EIF4G3: variants seen among roughly 807,000 people sequenced by gnomAD.
The protein encoded by EIF4G3 is eukaryotic translation initiation factor 4 gamma 3, also known as eIF-4-gamma 3.
EIF4G3 carries 34 observed loss-of-function variants against 186.4 expected under a neutral mutation model. That is an observed-to-expected ratio of 0.18 (90% CI 0.14 to 0.24). The LOEUF is 0.24. EIF4G3 is among the 10% of genes least tolerant of loss of function. The pLI, the probability that EIF4G3 is intolerant of heterozygous loss-of-function variation, is 1.00. For missense variants in EIF4G3, 1,536 were observed against 1,948.5 expected (o/e 0.79, Z 3.99); for synonymous variants, 673 against 679.5 (o/e 0.99, Z 0.15).
chr1:20,969,706 G>T, intron 11 of EIF4G3, 110 bp from the exon 12 acceptor site: 1 of 987,110 alleles, frequency 1.0e-6, no homozygotes, highest in Non-Finnish European at 1.5e-6. Context: ...AAATATCAAA[G>T]GTGATAATCA....
chr1:20,908,150 A>G (rs2092580721), intron 14 of EIF4G3, among the ~76,000 whole-genome samples: 1 of 152,008 alleles, frequency 6.6e-6, no homozygotes, highest in African/African-American at 2.4e-5. Flanking sequence ...GCCAGTGATG[A>G]TGAGCATTTT....
intron 4 of EIF4G3, among the ~76,000 whole-genome samples, chr1:21,050,344 A>G (rs568221676): frequency 3.7e-4 from 57 of 152,350 alleles, no homozygotes; most frequent in African/African-American, 1.2e-3. Flanking sequence ...TATTAAGTAG[A>G]AATACACTAA....
chr1:20,898,015 G>A (rs945264567), intron 16 of EIF4G3, among the ~76,000 whole-genome samples: 4 of 152,034 alleles, frequency 2.6e-5, no homozygotes, highest in Admixed American at 2.6e-4. Flanking sequence ...CATTGGTGAT[G>A]GCTACAAGTA....
At chr1:21,168,232 C>T (rs532720810) in intron 2 of EIF4G3, among the ~76,000 whole-genome samples, 5 of 151,886 alleles carry the variant, frequency 3.3e-5, no homozygotes, top group South Asian at 2.1e-4. Context: ...GGTGAAACCC[C>T]GTCTCTACTA....
In EIF4G3 at chr1:21,089,009, A is replaced by G. The variant is rs1379179820; in HGVS notation, c.-196+129T>C. The stretch of plus-strand genomic sequence containing the variant: ...TGATATGGAAAGGGCCTATCATTCT[A>G]TTCAGAATTTTATTGAACTTTTTGC... On this transcript the variant is annotated intron_variant, in intron 3 of 36. Transcript: ENST00000602326. 8.0e-6 allele frequency: 5 copies of G among 624,760 alleles called. No homozygotes were observed. In the East Asian group the frequency reaches 1.1e-4, roughly 14 times the overall value. The allele number at this position is 624,760 out of a possible 1,614,324, so 38.7% of individuals were successfully genotyped here. A position where few individuals can be genotyped will look rare whatever the true frequency, so the allele number is the denominator to read the frequency against.
At chr1:21,122,633 G>A (rs1433311568) in intron 2 of EIF4G3, among the ~76,000 whole-genome samples, 2 of 152,092 alleles carry the variant, frequency 1.3e-5, no homozygotes, top group African/African-American at 2.4e-5. Flanking sequence ...CAGGTCAAAC[G>A]AGATGTTTTT....
At chr1:20,947,774 A>G (rs1208977823) in intron 13 of EIF4G3, among the ~76,000 whole-genome samples, 1 of 152,198 alleles carries the variant, frequency 6.6e-6, no homozygotes, top group Non-Finnish European at 1.5e-5. Flanking sequence ...GGTAACCTGA[A>G]TACTTTCCAA....
intron 19 of EIF4G3, among the ~76,000 whole-genome samples, chr1:20,882,550 G>T (rs920941991): frequency 6.6e-6 from 1 of 151,900 alleles, no homozygotes; most frequent in South Asian, 2.1e-4. Context: ...GAACCCAGGA[G>T]GCGGAGGTTG....
chr1:20,919,956 G>A (rs1448962900), intron 14 of EIF4G3, among the ~76,000 whole-genome samples: 1 of 146,416 alleles, frequency 6.8e-6, no homozygotes, highest in African/African-American at 2.4e-5. Flanking sequence ...GCCCAGGCTG[G>A]AGTGCAATGG....
At chr1:21,093,757 T>A (rs959667876) in intron 2 of EIF4G3, among the ~76,000 whole-genome samples, 3 of 152,180 alleles carry the variant, frequency 2.0e-5, no homozygotes, top group African/African-American at 7.2e-5. Context: ...ATATACACCA[T>A]GGAATACTAT....
chr1:21,086,199 C>CCT (rs761955446), intron 3 of EIF4G3, among the ~76,000 whole-genome samples: 4 of 95,200 alleles, frequency 4.2e-5, no homozygotes, highest in African/African-American at 1.7e-4. Flanking sequence ...ACATGATACT[C>CCT]TTTTTTTTTT....
Position 21,047,554 on chromosome 1 carries a change from A to G in EIF4G3, c.-67+3312T>C, listed in dbSNP as rs112692910. On this transcript the variant is annotated intron_variant, in intron 4 of 36. Coordinates refer to ENST00000602326, the MANE Select transcript of EIF4G3 (RefSeq NM_001391906.1). ...AAAAACCATTTACTTCCCCTCTAAA[A>G]CTCCCGATAGCCCATTCCCCACCCT... is the stretch of plus-strand genomic sequence containing the variant. 1.6e-3 allele frequency among the ~76,000 whole-genome samples: 240 copies of G among 151,774 alleles called. 1 individual carries two copies. Among genetic ancestry groups the G allele is most frequent in the African/African-American group, 5.6e-3 (231 of 41,390 alleles).
intron 14 of EIF4G3, among the ~76,000 whole-genome samples, chr1:20,938,220 C>T (rs1009551036): frequency 2.0e-5 from 3 of 152,100 alleles, no homozygotes; most frequent in African/African-American, 7.2e-5. Flanking sequence ...GTCCCAAACT[C>T]GTGACCTCAG....
intron 7 of EIF4G3, among the ~76,000 whole-genome samples, chr1:20,985,390 C>T (rs1255769007): frequency 6.6e-6 from 1 of 151,998 alleles, no homozygotes; most frequent in Non-Finnish European, 1.5e-5. Context: ...AACTTCACTG[C>T]ATTAATACTT....
intron 13 of EIF4G3, among the ~76,000 whole-genome samples, chr1:20,946,533 T>C (rs1270621821): frequency 6.6e-6 from 1 of 152,228 alleles, no homozygotes; most frequent in Admixed American, 6.5e-5. Context: ...GTAAATATTC[T>C]AGCTCTTCAT....
In EIF4G3 at chr1:20,974,782, T is replaced by C. The variant is rs149816312; in HGVS notation, c.494-1683A>G. Among the ~76,000 whole-genome samples, 30 of 152,166 alleles carry C rather than the reference T, an allele frequency of 2.0e-4. No individual in the cohort carries two copies. In the East Asian group the frequency reaches 5.4e-3, roughly 27 times the overall value. ...AATTGTCAATGTGGGAAAGAAAGAA[T>C]TGCTAGAGTAATAGCCTTAAATGGG... is the stretch of plus-strand genomic sequence containing the variant. On this transcript the variant is annotated intron_variant, in intron 10 of 36. Transcript: ENST00000602326.
At chr1:21,001,410 A>T (rs2083470555) in intron 5 of EIF4G3, 98 bp from the exon 6 acceptor site, 1 of 437,758 alleles carries the variant, frequency 2.3e-6, no homozygotes, top group Admixed American at 2.6e-5. Flanking sequence ...TGATAATCAG[A>T]AATTAGGGTT....
chr1:20,870,945 G>A (rs1462433647), intron 20 of EIF4G3, among the ~76,000 whole-genome samples: 1 of 152,136 alleles, frequency 6.6e-6, no homozygotes, highest in Non-Finnish European at 1.5e-5. Context: ...ACAGGCAGCT[G>A]CATATATGGA....
At chr1:20,874,808 A>G in intron 20 of EIF4G3, among the ~76,000 whole-genome samples, 1 of 152,138 alleles carries the variant, frequency 6.6e-6, no homozygotes, top group East Asian at 1.9e-4. Context: ...AGCCTCCTTG[A>G]TATTCTTATA....
Sources: allele counts gnomAD v4.1 joint callset (sites outside exome capture counted in the v4.1 genomes callset), GRCh38; gene constraint gnomAD v4.1.1; transcripts MANE v1.5; gene names NCBI Gene and HGNC (gene_info 2026-07-23, HGNC 2026-07-21).